The following CR1 variants were observed in gnomAD, a reference collection of about 807,000 sequenced individuals.
CR1 encodes the protein complement C3b/C4b receptor 1 (Knops blood group), also known as complement receptor type 1.
CR1 carries 116 observed loss-of-function variants against 187.3 expected under a neutral mutation model. The ratio of observed to expected loss-of-function variants is 0.62; its 90% confidence interval spans 0.53 to 0.72. CR1 has a LOEUF of 0.72. Among genes scored for constraint, CR1 ranks in the 30% least tolerant of loss-of-function variants. The pLI is 0.00. For synonymous variants in CR1, 576 were observed against 747.1 expected (o/e 0.77, Z 3.73); for missense variants, 1,731 against 2,110.7 (o/e 0.82, Z 3.52).
chr1:207,578,255 T>C, intron 29 of CR1, 52 bp downstream of exon 29: 2 of 1,611,642 alleles, frequency 1.2e-6, no homozygotes, highest in Admixed American at 1.7e-5. Flanking sequence ...GTGTTGCTGT[T>C]GGATCAGGAG....
intron 44 of CR1, among the ~76,000 whole-genome samples, chr1:207,622,360 T>A (rs1241043851): frequency 6.6e-6 from 1 of 152,220 alleles, no homozygotes; most frequent in Non-Finnish European, 1.5e-5. Flanking sequence ...ATCCTGCTCA[T>A]TTGCACAAAT....
Position 207,639,668 on chromosome 1 carries a change from A to T in CR1, c.*259A>T, listed in dbSNP as rs989697585. 5.3e-6 allele frequency: 2 copies of T among 374,956 alleles called. No individual in the cohort carries two copies. Among genetic ancestry groups the T allele is most frequent in the Non-Finnish European group, 9.6e-6 (2 of 208,604 alleles). 23.2% of individuals were successfully genotyped at this position (374,956 alleles called of 1,614,324 possible). A position where few individuals can be genotyped will look rare whatever the true frequency, so the allele number is the denominator to read the frequency against. On this transcript the variant is annotated 3_prime_UTR_variant, in exon 47 of 47. Coordinates refer to ENST00000367049, the MANE Select transcript of CR1 (RefSeq NM_000651.6). The stretch of plus-strand genomic sequence containing the variant: ...GTATCTAGTCAGGGGAAAAGACTGC[A>T]TTTAGGAGATAGAAAATAGTTTGGA...
At position 207,565,721 on chromosome 1, in the gene CR1, T is replaced by A. The variant is rs187654117; in HGVS notation, c.3867-117T>A. On this transcript the variant is annotated intron_variant, in intron 23 of 46. Transcript: ENST00000367049. ...CAGAATAAGGTAGCCTGTGCAACTC[T>A]GCCATCTGCTGGCCTCAGATCCTCA... is the stretch of plus-strand genomic sequence containing the variant. 2.2e-6 allele frequency: 3 copies of A among 1,354,836 alleles called. No individual in the cohort carries two copies. The East Asian group carries it at 7.0e-5, about 32-fold the overall frequency. 83.9% of individuals were successfully genotyped at this position (1,354,836 alleles called of 1,614,324 possible).
In CR1 at chr1:207,611,673, A is replaced by C. The variant is rs753388407; in HGVS notation, c.6296-4A>C. Reference sequence around the variant, plus strand: ...CAAGTGCTCTGGAACTGTCCTTTCCACAGTGTGTCAGCCGCCTCCAGAAAT... The same window carrying C: ...CAAGTGCTCTGGAACTGTCCTTTCCCCAGTGTGTCAGCCGCCTCCAGAAAT... On this transcript the variant is annotated splice_region_variant and splice_polypyrimidine_tract_variant and intron_variant, in intron 37 of 46. Coordinates refer to ENST00000367049, the MANE Select transcript of CR1 (RefSeq NM_000651.6). 4 of 1,613,680 alleles carry C rather than the reference A, an allele frequency of 2.5e-6. No homozygotes were observed. The South Asian group carries it at 3.3e-5, about 13-fold the overall frequency.
intron 32 of CR1, 77 bp downstream of exon 32, chr1:207,582,080 A>C: frequency 1.9e-6 from 2 of 1,054,276 alleles, no homozygotes; most frequent in South Asian, 1.5e-5. Context: ...GGGATTATCT[A>C]TTGTTTGTCC....
intron 32 of CR1, among the ~76,000 whole-genome samples, chr1:207,582,678 T>G (rs1660994499): frequency 6.6e-6 from 1 of 152,176 alleles, no homozygotes; most frequent in Non-Finnish European, 1.5e-5. Context: ...ATCAGAGATG[T>G]TGGCCCAGGA....
At chr1:207,556,648 C>CATATATATATAT (rs1404002868) in intron 19 of CR1, among the ~76,000 whole-genome samples, 487 of 37,978 alleles carry the variant, frequency 0.013, 3 homozygotes, top group Admixed American at 0.022. Flanking sequence ...TGATCTATAT[C>CATATATATATAT]ATATATATAT....
In CR1 at chr1:207,612,261, C is replaced by T. The variant is rs191571885; in HGVS notation, c.6575+220C>T. On this transcript the variant is annotated intron_variant, in intron 39 of 46. Transcript: ENST00000367049. ...ATACAGCTCAATGTCAGGTACAAACCTAAATACAGTCACTGATCTTGAGTA... is the reference window on the plus strand; with the variant it reads ...ATACAGCTCAATGTCAGGTACAAACTTAAATACAGTCACTGATCTTGAGTA... 1.5e-3 allele frequency among the ~76,000 whole-genome samples: 229 copies of T among 152,266 alleles called. 1 individual carries two copies. Among genetic ancestry groups the T allele is most frequent in the Admixed American group, 3.7e-3 (57 of 15,304 alleles).
At chr1:207,595,561 G>C (rs1176365374) in intron 35 of CR1, among the ~76,000 whole-genome samples, 2 of 152,102 alleles carry the variant, frequency 1.3e-5, no homozygotes, top group Non-Finnish European at 2.9e-5. Flanking sequence ...TAGTGTTTGA[G>C]AGGAAATATT....
In CR1 at chr1:207,511,615, G is replaced by A; in HGVS notation, c.448G>A (p.Asp150Asn). The change falls in exon 4 of 47, where the codon GAT becomes AAT. Residue 150 changes from aspartate to asparagine, a missense_variant. Asp to Asn is a conservative substitution (Grantham distance 23). Coordinates refer to ENST00000367049, the MANE Select transcript of CR1 (RefSeq NM_000651.6). ...GTCTGCCACATGCATCATCTCAGGTGATACTGTCATTTGGGATAATGAAAC... is the reference window on the plus strand; with the variant it reads ...GTCTGCCACATGCATCATCTCAGGTAATACTGTCATTTGGGATAATGAAAC... ...SSSATCIISG[D>N]TVIWDNETPI... is the part of the protein sequence containing the mutation. 2 of 1,613,348 alleles carry A rather than the reference G, an allele frequency of 1.2e-6. No homozygotes were observed. Among genetic ancestry groups the A allele is most frequent in the Non-Finnish European group, 1.7e-6 (2 of 1,179,488 alleles).
At chr1:207,607,417 T>C in intron 36 of CR1, 81 bp downstream of exon 36, 1 of 1,040,344 alleles carries the variant, frequency 9.6e-7, no homozygotes. Context: ...AATTGAATCC[T>C]TCTTGCACAA....
chr1:207,582,037 T>C, intron 32 of CR1, 34 bp downstream of exon 32: 1 of 1,479,270 alleles, frequency 6.8e-7, no homozygotes, highest in Non-Finnish European at 9.4e-7. Flanking sequence ...AGTCTGGATC[T>C]TTCTGTTTTT....
At chr1:207,501,139 G>T (rs1009985659) in intron 1 of CR1, among the ~76,000 whole-genome samples, 35 of 152,164 alleles carry the variant, frequency 2.3e-4, no homozygotes, top group African/African-American at 8.4e-4. Flanking sequence ...TTATATGATA[G>T]GATATAAACG....
At chr1:207,590,080 C>T (rs1203999902) in intron 35 of CR1, among the ~76,000 whole-genome samples, 2 of 152,130 alleles carry the variant, frequency 1.3e-5, no homozygotes, top group African/African-American at 4.8e-5. Flanking sequence ...CAAGACAGTC[C>T]AGCATTCAAA....
chr1:207,497,791 A>G (rs1659136391), intron 1 of CR1, among the ~76,000 whole-genome samples: 1 of 151,946 alleles, frequency 6.6e-6, no homozygotes, highest in Admixed American at 6.5e-5. Context: ...GACACTATTA[A>G]TTGCAAAAAA....
intron 24 of CR1, among the ~76,000 whole-genome samples, chr1:207,566,162 G>A (rs866886442): frequency 1.3e-5 from 2 of 150,280 alleles, no homozygotes; most frequent in African/African-American, 5.0e-5. Context: ...CTTTGGTCTT[G>A]TGCTCCTAGG....
chr1:207,632,042 A>AT (rs998058577), intron 46 of CR1, among the ~76,000 whole-genome samples: 1 of 152,208 alleles, frequency 6.6e-6, no homozygotes, highest in Non-Finnish European at 1.5e-5. Context: ...TAACCAAAAC[A>AT]TAAGTAGAAG....
intron 35 of CR1, among the ~76,000 whole-genome samples, chr1:207,603,144 C>G (rs1267292884): frequency 2.0e-5 from 3 of 151,766 alleles, no homozygotes; most frequent in African/African-American, 7.3e-5. Flanking sequence ...TCATGAGACC[C>G]ACCAACAGAA....
At chr1:207,612,131 A>G in intron 39 of CR1, 90 bp downstream of exon 39, 2 of 1,326,804 alleles carry the variant, frequency 1.5e-6, no homozygotes, top group Admixed American at 3.7e-5. Context: ...GAGCTGACCT[A>G]GTAGATAAGA....
Sources: gnomAD v4.1 joint callset for allele counts (sites outside exome capture counted in the v4.1 genomes callset) on GRCh38, gnomAD v4.1.1 for gene constraint, MANE v1.5 for transcripts, NCBI Gene and HGNC (gene_info 2026-07-23, HGNC 2026-07-21) for gene names.